Variants in CEP63 observed in about 807,000 individuals in gnomAD.
CEP63 encodes centrosomal protein of 63 kDa.
In CEP63, 84 loss-of-function variants were observed where a neutral mutation model predicts 89.1. That is an observed-to-expected ratio of 0.94 (90% CI 0.79 to 1.13). CEP63 has a LOEUF of 1.13. Ranked by LOEUF, CEP63 falls within the 50% of genes most tolerant of loss-of-function variation. The pLI is 0.00. For missense variants in CEP63, 838 were observed against 813.3 expected (o/e 1.03, Z -0.37); for synonymous variants, 267 against 272.5 (o/e 0.98, Z 0.20).
At position 134,562,246 on chromosome 3, in the gene CEP63, G is replaced by A. The variant is rs936953863; in HGVS notation, c.*711G>A. 18 of 981,292 alleles carry A rather than the reference G, an allele frequency of 1.8e-5. No homozygotes were observed. The highest frequency in any genetic ancestry group is 2.1e-5 in the Non-Finnish European group (17 of 825,956). 60.8% of individuals were successfully genotyped at this position (981,292 alleles called of 1,614,324 possible). A position where few individuals can be genotyped will look rare whatever the true frequency, so the allele number is the denominator to read the frequency against. ...AGTTTAGATGGGAGACAAAGATCTG[G>A]ATGTTGATGTGCCGCAGGCATTTGA... On this transcript the variant is annotated 3_prime_UTR_variant, in exon 15 of 15. Transcript: ENST00000675561.
At chr3:134,717,157 T>G in the CEP63 span, among the ~76,000 whole-genome samples, 2 of 152,230 alleles carry the variant, frequency 1.3e-5, no homozygotes, top group Non-Finnish European at 1.5e-5. Context: ...CAGTTGATAC[T>G]GAGTGTGGAG....
intron 11 of CEP63, among the ~76,000 whole-genome samples, chr3:134,550,798 G>T (rs1257889991): frequency 6.6e-6 from 1 of 152,180 alleles, no homozygotes; most frequent in African/African-American, 2.4e-5. Flanking sequence ...GTAAAATTCA[G>T]TGGTCCTTAA....
In CEP63 at chr3:134,547,614, CT is replaced by C. The variant is rs62656962; in HGVS notation, c.1067+157del. ...CCACAAATGGCCTAAGTTCTTATTT[CT>C]TTTTTTTTTTTTTTGAGACGGAGTC... On this transcript the variant is annotated intron_variant, in intron 9 of 14. Coordinates refer to ENST00000675561, the MANE Select transcript of CEP63 (RefSeq NM_001353108.3). The C allele has an allele frequency of 1.3e-3, 349 of 277,624 alleles. 4 individuals are homozygous for C. Among genetic ancestry groups the C allele is most frequent in the South Asian group, 4.4e-3 (139 of 31,486 alleles). 17.2% of individuals were successfully genotyped at this position (277,624 alleles called of 1,614,324 possible).
At position 134,531,192 on chromosome 3, in the gene CEP63, TA is replaced by T. The variant is rs569033492; in HGVS notation, c.223-652del. 1.1e-4 allele frequency among the ~76,000 whole-genome samples: 17 copies of T among 152,366 alleles called. No individual in the cohort carries two copies. The East Asian group carries it at 3.3e-3, about 29-fold the overall frequency. On this transcript the variant is annotated intron_variant, in intron 3 of 14. Transcript: ENST00000675561. Reference sequence around the variant, plus strand: ...TATTCCTAAGGTCTTCTAGATTTTTTATGAAGTATTGTTGGTTTCCAGGACT... The same window carrying T: ...TATTCCTAAGGTCTTCTAGATTTTTTTGAAGTATTGTTGGTTTCCAGGACT...
Position 134,507,110 on chromosome 3 carries a change from G to T in CEP63, c.46G>T (p.Gly16Ter). The change falls in exon 3 of 15, where the codon GGA (glycine) becomes TGA (stop). Residue 16 changes from glycine (G) to a stop codon, truncating the protein, a stop_gained and splice_region_variant. Coordinates refer to ENST00000675561, the MANE Select transcript of CEP63 (RefSeq NM_001353108.3). LOFTEE classifies it high-confidence loss of function. ...EGIQNRGHGG[G>*]FLTSCEAELQ... ...TTAATGATCTGTTCTTCTTTATAGG[G>T]GATTTTTGACATCTTGTGAAGCAGA... The T allele has an allele frequency of 2.5e-6, 4 of 1,611,134 alleles. No homozygotes were observed. The highest frequency in any genetic ancestry group is 1.1e-5 in the South Asian group (1 of 90,990).
chr3:134,617,784 G>T, the CEP63 span, among the ~76,000 whole-genome samples: 2 of 152,234 alleles, frequency 1.3e-5, no homozygotes, highest in Non-Finnish European at 2.9e-5. Context: ...GAGCTCTGGG[G>T]AGAGGGAGCA....
the CEP63 span, among the ~76,000 whole-genome samples, chr3:134,680,976 G>A: frequency 6.6e-6 from 1 of 152,224 alleles, no homozygotes; most frequent in Non-Finnish European, 1.5e-5. Context: ...CAGGACAGTG[G>A]CACTTGTTAG....
At chr3:134,588,210 T>A (rs895573615), downstream of CEP63, among the ~76,000 whole-genome samples, 1 of 152,012 alleles carries the variant, frequency 6.6e-6, no homozygotes, top group Non-Finnish European at 1.5e-5. Context: ...GGAGAATCAC[T>A]TGAGGGGGAT....
chr3:134,701,390 A>ATG, the CEP63 span, among the ~76,000 whole-genome samples: 5,625 of 15,410 alleles, frequency 0.37, 1,270 homozygotes, highest in East Asian at 0.51. Flanking sequence ...ATACGTATAT[A>ATG]TGTGTATATA....
chr3:134,691,712 A>C, the CEP63 span, among the ~76,000 whole-genome samples: 1 of 152,166 alleles, frequency 6.6e-6, no homozygotes. Flanking sequence ...TCCCAAACAA[A>C]AGTAAATAGT....
chr3:134,555,512 T>C (rs1425344207), intron 12 of CEP63, among the ~76,000 whole-genome samples: 1 of 150,644 alleles, frequency 6.6e-6, no homozygotes, highest in African/African-American at 2.4e-5. Context: ...ATGAGTGAAC[T>C]CCCATTCACA....
chr3:134,695,227 T>C, the CEP63 span, among the ~76,000 whole-genome samples: 23 of 152,322 alleles, frequency 1.5e-4, no homozygotes, highest in African/African-American at 5.5e-4. Flanking sequence ...TGATTTTTCA[T>C]GTCCTGATTC....
At chr3:134,761,733 ATC>A in the CEP63 span, among the ~76,000 whole-genome samples, 9 of 113,906 alleles carry the variant, frequency 7.9e-5, no homozygotes, top group South Asian at 4.6e-4. Flanking sequence ...TTGTAAATCA[ATC>A]TCTCTCTCTC....
At chr3:134,493,184 G>A (rs1938353829) in intron 1 of CEP63, among the ~76,000 whole-genome samples, 1 of 152,140 alleles carries the variant, frequency 6.6e-6, no homozygotes, top group Admixed American at 6.5e-5. Flanking sequence ...GTGTATGGTT[G>A]TCAGGAGCAT....
chr3:134,486,216 G>A lies in CEP63; in HGVS notation c.-26+14G>A, dbSNP rs1023876316. 4.1e-6 allele frequency: 4 copies of A among 985,280 alleles called. No homozygotes were observed. In the African/African-American group the frequency reaches 7.0e-5, roughly 17 times the overall value. 61.0% of individuals were successfully genotyped at this position (985,280 alleles called of 1,614,324 possible). On this transcript the variant is annotated intron_variant, in intron 1 of 14. Transcript: ENST00000675561. ...CGCCGGCCCGAGGTAACGGCGGGAA[G>A]GCTCAGGGGCGTGCTTGCGGCAACC...
intron 5 of CEP63, among the ~76,000 whole-genome samples, chr3:134,534,217 G>A (rs1256517727): frequency 6.6e-6 from 1 of 152,120 alleles, no homozygotes; most frequent in Non-Finnish European, 1.5e-5. Context: ...GAGGATCTTA[G>A]GATCTGGAGA....
the CEP63 span, chr3:134,629,723 C>T: frequency 6.8e-7 from 1 of 1,462,558 alleles, no homozygotes; most frequent in Non-Finnish European, 9.4e-7. Flanking sequence ...ATGACATTCT[C>T]AACCAGATGC....
the CEP63 span, among the ~76,000 whole-genome samples, chr3:134,717,645 A>G: frequency 2.0e-5 from 3 of 152,190 alleles, no homozygotes; most frequent in Admixed American, 1.3e-4. Flanking sequence ...GGAAAAACAA[A>G]ATAAAATATG....
At chr3:134,752,694 G>T in the CEP63 span, among the ~76,000 whole-genome samples, 1 of 152,210 alleles carries the variant, frequency 6.6e-6, no homozygotes, top group Admixed American at 6.5e-5. Context: ...ACAAGGGAGA[G>T]GTACAGGTGC....
Sources: allele counts gnomAD v4.1 joint callset (sites outside exome capture counted in the v4.1 genomes callset), GRCh38; gene constraint gnomAD v4.1.1; transcripts MANE v1.5; gene names NCBI Gene and HGNC (gene_info 2026-07-23, HGNC 2026-07-21).